NAV3: variants seen among roughly 807,000 people sequenced by gnomAD.
NAV3 encodes the protein pore membrane and/or filament interacting like protein 1.
A neutral mutation model predicts 244.7 loss-of-function variants in NAV3; 87 were observed. The observed-to-expected ratio is 0.36, with a 90% CI of 0.30 to 0.42. The LOEUF (loss-of-function observed/expected upper bound fraction) is 0.42. NAV3 is among the 20% of genes least tolerant of loss of function. The pLI, the probability that NAV3 is intolerant of heterozygous loss-of-function variation, is 1.00. For synonymous variants in NAV3, 1,126 were observed against 1,042.2 expected (o/e 1.08, Z -1.55); for missense variants, 2,663 against 2,893.3 (o/e 0.92, Z 1.83).
chr12:77,834,435 A>G (rs557303581), intron 1 of NAV3, among the ~76,000 whole-genome samples: 9 of 152,386 alleles, frequency 5.9e-5, no homozygotes, highest in African/African-American at 1.7e-4. Context: ...AATTATCAAC[A>G]AAATACTAAA....
At chr12:78,060,950 C>T (rs1884240572) in intron 12 of NAV3, among the ~76,000 whole-genome samples, 1 of 152,150 alleles carries the variant, frequency 6.6e-6, no homozygotes, top group South Asian at 2.1e-4. Flanking sequence ...ACTCTCCTTG[C>T]TCCATCAGGG....
chr12:77,630,877 G>A (rs529988318), intron 2 of NAV3, among the ~76,000 whole-genome samples: 1 of 152,220 alleles, frequency 6.6e-6, no homozygotes, highest in African/African-American at 2.4e-5. Flanking sequence ...TAAACAGATT[G>A]TACATTAAAA....
intron 1 of NAV3, among the ~76,000 whole-genome samples, chr12:77,849,031 G>A (rs931445321): frequency 6.6e-6 from 1 of 152,030 alleles, no homozygotes; most frequent in Admixed American, 6.6e-5. Context: ...TATTTTGGTG[G>A]CTAATCCTTC....
At chr12:77,737,518 C>T (rs1050059742) in intron 2 of NAV3, among the ~76,000 whole-genome samples, 8 of 151,994 alleles carry the variant, frequency 5.3e-5, no homozygotes, top group African/African-American at 1.9e-4. Flanking sequence ...CCAGGAGATT[C>T]TGCTGTACAC....
intron 2 of NAV3, among the ~76,000 whole-genome samples, chr12:77,621,207 T>A (rs576129956): frequency 1.3e-5 from 2 of 152,334 alleles, no homozygotes; most frequent in African/African-American, 4.8e-5. Flanking sequence ...ATTTTCTAGA[T>A]CAAGCACTGT....
intron 1 of NAV3, among the ~76,000 whole-genome samples, chr12:77,866,326 A>T (rs1880016622): frequency 6.6e-6 from 1 of 152,198 alleles, no homozygotes; most frequent in Non-Finnish European, 1.5e-5. Flanking sequence ...AAGTTCATAC[A>T]ATGTTAGTGG....
At chr12:77,690,351 T>G (rs1874947336) in intron 2 of NAV3, among the ~76,000 whole-genome samples, 1 of 151,844 alleles carries the variant, frequency 6.6e-6, no homozygotes, top group Admixed American at 6.6e-5. Flanking sequence ...TGTGTGAATT[T>G]GGAACATTAA....
intron 2 of NAV3, among the ~76,000 whole-genome samples, chr12:77,727,825 G>C (rs1363724608): frequency 6.6e-6 from 1 of 151,838 alleles, no homozygotes; most frequent in Non-Finnish European, 1.5e-5. Flanking sequence ...TCAAGCCCAG[G>C]CAGTCTGTAT....
chr12:77,744,008 G>A (rs893930273), intron 2 of NAV3, among the ~76,000 whole-genome samples: 4 of 151,766 alleles, frequency 2.6e-5, no homozygotes, highest in African/African-American at 9.7e-5. Context: ...TAACTGAAAT[G>A]ATCTCTAGAG....
chr12:78,198,594 T>C lies in NAV3; in HGVS notation c.6447-11T>C. The stretch of plus-strand genomic sequence containing the variant: ...CCAGTAAATTAAAATTTTCTATTTA[T>C]TTTTTTCTAGTCCATATATTATTGG... On this transcript the variant is annotated splice_polypyrimidine_tract_variant and intron_variant, in intron 35 of 39. Coordinates refer to ENST00000397909, the MANE Select transcript of NAV3 (RefSeq NM_001024383.2). 1 of 1,536,534 alleles carries C rather than the reference T, an allele frequency of 6.5e-7. No homozygotes were observed. The highest frequency in any genetic ancestry group is 8.9e-7 in the Non-Finnish European group (1 of 1,127,108).
intron 1 of NAV3, among the ~76,000 whole-genome samples, chr12:77,887,204 A>G (rs1382175721): frequency 6.6e-6 from 1 of 152,102 alleles, no homozygotes; most frequent in Non-Finnish European, 1.5e-5. Context: ...AATAATATAA[A>G]TGCTATGAAA....
chr12:77,881,273 G>C (rs745359209), intron 1 of NAV3, among the ~76,000 whole-genome samples: 12 of 152,118 alleles, frequency 7.9e-5, no homozygotes, highest in East Asian at 3.9e-4. Flanking sequence ...AGATTGGTCT[G>C]TCTCTCTAGC....
intron 2 of NAV3, among the ~76,000 whole-genome samples, chr12:77,726,602 T>C (rs550812697): frequency 7.9e-5 from 12 of 152,022 alleles, no homozygotes; most frequent in Admixed American, 6.6e-4. Context: ...ATTTCTTCAA[T>C]GGAGAGTCAG....
At chr12:77,691,335 G>GTATATATATATATATA (rs1455098694) in intron 2 of NAV3, among the ~76,000 whole-genome samples, 5 of 103,458 alleles carry the variant, frequency 4.8e-5, no homozygotes, top group Non-Finnish European at 7.6e-5. Context: ...TTGTGTATGT[G>GTATATATATATATATA]TGTATATATA....
intron 1 of NAV3, among the ~76,000 whole-genome samples, chr12:77,857,307 C>A (rs1878537769): frequency 6.6e-6 from 1 of 151,900 alleles, no homozygotes; most frequent in African/African-American, 2.4e-5. Context: ...GAATAGCATG[C>A]ATCTTTAATA....
intron 2 of NAV3, among the ~76,000 whole-genome samples, chr12:77,680,663 G>C (rs1874409066): frequency 6.6e-6 from 1 of 152,184 alleles, no homozygotes; most frequent in South Asian, 2.1e-4. Flanking sequence ...GAAGAATGCT[G>C]TCTTCTTTGT....
chr12:77,579,718 A>G (rs1469434975), intron 2 of NAV3, among the ~76,000 whole-genome samples: 1 of 152,224 alleles, frequency 6.6e-6, no homozygotes, highest in Non-Finnish European at 1.5e-5. Context: ...CTAATACAAC[A>G]TGGCTTACTA....
At chr12:77,718,115 T>TTTG (rs1876443940) in intron 2 of NAV3, among the ~76,000 whole-genome samples, 1 of 152,180 alleles carries the variant, frequency 6.6e-6, no homozygotes, top group African/African-American at 2.4e-5. Context: ...CTTTTGTATC[T>TTTG]TATGCTTTTT....
chr12:78,060,764 A>G (rs1884211094), intron 12 of NAV3, among the ~76,000 whole-genome samples: 1 of 152,166 alleles, frequency 6.6e-6, no homozygotes, highest in Non-Finnish European at 1.5e-5. Flanking sequence ...GAGGGAAAGA[A>G]TCCCAAAGTG....
Sources: allele counts gnomAD v4.1 joint callset (sites outside exome capture counted in the v4.1 genomes callset), GRCh38; gene constraint gnomAD v4.1.1; transcripts MANE v1.5; gene names NCBI Gene and HGNC (gene_info 2026-07-23, HGNC 2026-07-21).